Variants in CSMD2 observed in about 807,000 individuals in gnomAD.
CSMD2 encodes the protein CUB and sushi domain-containing protein 2.
In CSMD2, 130 loss-of-function variants were observed where a neutral mutation model predicts 398.5. That is an observed-to-expected ratio of 0.33 (90% CI 0.28 to 0.38). The LOEUF is 0.38. Among genes scored for constraint, CSMD2 ranks in the 10% least tolerant of loss-of-function variants. The probability of loss-of-function intolerance (pLI) is 1.00; values close to 1 mark genes in which losing one functional copy is unlikely to be tolerated. For synonymous variants in CSMD2, 1,828 were observed against 1,908.5 expected, an observed-to-expected ratio of 0.96 and a Z score of 1.10; for missense variants, 3,829 against 4,764.9, an observed-to-expected ratio of 0.80 and a Z score of 5.78.
intron 47 of CSMD2, among the ~76,000 whole-genome samples, chr1:33,583,295 A>T (rs570695578): frequency 1.3e-5 from 2 of 152,242 alleles, no homozygotes; most frequent in Non-Finnish European, 2.9e-5. Context: ...AAAGCCAAAG[A>T]GGCAGCACAA....
At chr1:33,885,248 A>T (rs1641510383) in intron 5 of CSMD2, 1 of 152,102 alleles carries the variant, frequency 6.6e-6, no homozygotes, top group Non-Finnish European at 1.5e-5. Flanking sequence ...CACAACTCAG[A>T]CCTATTTCCA....
At chr1:33,786,704 A>G (rs1653582018) in intron 12 of CSMD2, among the ~76,000 whole-genome samples, 1 of 152,262 alleles carries the variant, frequency 6.6e-6, no homozygotes, top group African/African-American at 2.4e-5. Flanking sequence ...ATGGAGCTAG[A>G]AAGTGACAGA....
intron 27 of CSMD2, 90 bp from the exon 28 acceptor site, chr1:33,652,551 G>T: frequency 6.8e-7 from 1 of 1,465,058 alleles, no homozygotes; most frequent in Non-Finnish European, 9.4e-7. Flanking sequence ...AGAGAGGAGA[G>T]GCTGAGGCTG....
chr1:33,582,493 A>G (rs921840544), intron 47 of CSMD2, among the ~76,000 whole-genome samples: 1 of 152,214 alleles, frequency 6.6e-6, no homozygotes, highest in Non-Finnish European at 1.5e-5. Context: ...ATTTCCCAAG[A>G]GGCTGGGTCC....
intron 28 of CSMD2, among the ~76,000 whole-genome samples, chr1:33,649,472 T>G (rs894629274): frequency 2.0e-5 from 3 of 152,158 alleles, no homozygotes; most frequent in Non-Finnish European, 4.4e-5. Context: ...GGCGAAACCC[T>G]GTCTCTACTA....
intron 44 of CSMD2, 37 bp downstream of exon 44, chr1:33,600,828 C>T: frequency 6.2e-7 from 1 of 1,611,224 alleles, no homozygotes; most frequent in Non-Finnish European, 8.5e-7. Flanking sequence ...GACTTGAAAG[C>T]CTGGCCCTTC....
intron 3 of CSMD2, among the ~76,000 whole-genome samples, chr1:34,021,968 A>G (rs1648949283): frequency 6.6e-6 from 1 of 152,192 alleles, no homozygotes; most frequent in Admixed American, 6.5e-5. Context: ...TTTAATTGGC[A>G]GCATTTTTTT....
At chr1:33,645,344 T>TACACACACACAC (rs4044501) in intron 29 of CSMD2, among the ~76,000 whole-genome samples, 9 of 136,272 alleles carry the variant, frequency 6.6e-5, no homozygotes, top group Admixed American at 2.2e-4. Flanking sequence ...TGGAGCATTA[T>TACACACACACAC]ACACACACAC....
At chr1:34,035,673 G>GA (rs201969213) in intron 2 of CSMD2, among the ~76,000 whole-genome samples, 36,841 of 130,062 alleles carry the variant, frequency 0.28, 5,228 homozygotes, top group African/African-American at 0.4. Context: ...GTAGTTAAAC[G>GA]AAAAAAAAAA....
chr1:34,093,745 A>G (rs545889560), intron 1 of CSMD2, among the ~76,000 whole-genome samples: 3 of 152,068 alleles, frequency 2.0e-5, no homozygotes, highest in Non-Finnish European at 2.9e-5. Flanking sequence ...CCTTCAAGAA[A>G]TATGGGACTA....
chr1:33,592,432 TG>T, intron 44 of CSMD2: 1 of 716,364 alleles, frequency 1.4e-6, no homozygotes, highest in South Asian at 1.5e-5. Flanking sequence ...CTTCTGTGGC[TG>T]GGGGGCAGAT....
chr1:33,564,300 A>C (rs1658849113), intron 53 of CSMD2, among the ~76,000 whole-genome samples: 1 of 152,220 alleles, frequency 6.6e-6, no homozygotes, highest in African/African-American at 2.4e-5. Context: ...GGTAGAGCTG[A>C]GATGTAAACC....
chr1:34,067,541 G>A (rs1338214253), intron 2 of CSMD2, among the ~76,000 whole-genome samples: 2 of 152,100 alleles, frequency 1.3e-5, no homozygotes, highest in Non-Finnish European at 1.5e-5. Context: ...AGAGCCTCAG[G>A]GATTATCCTG....
At chr1:33,657,297 C>T (rs1643976202) in intron 27 of CSMD2, among the ~76,000 whole-genome samples, 1 of 152,162 alleles carries the variant, frequency 6.6e-6, no homozygotes, top group African/African-American at 2.4e-5. Context: ...GAGACTCCAT[C>T]TCAACAACAA....
intron 56 of CSMD2, among the ~76,000 whole-genome samples, chr1:33,548,275 GC>G (rs1408682340): frequency 6.6e-6 from 1 of 152,200 alleles, no homozygotes; most frequent in African/African-American, 2.4e-5. Context: ...TGAAAGAATG[GC>G]CCCCACTACA....
chr1:34,027,372 C>G (rs1189834961), intron 3 of CSMD2, among the ~76,000 whole-genome samples: 1 of 152,192 alleles, frequency 6.6e-6, no homozygotes, highest in Non-Finnish European at 1.5e-5. Flanking sequence ...ACTTGTAACA[C>G]TGGCAAGGTG....
In CSMD2 at chr1:33,614,585, C is replaced by A. The variant is rs745778369; in HGVS notation, c.6052G>T (p.Val2018Leu). 2.5e-6 allele frequency: 4 copies of A among 1,611,682 alleles called. No homozygotes were observed. Among genetic ancestry groups the A allele is most frequent in the East Asian group, 2.2e-5 (1 of 44,858 alleles). The change falls in exon 40 of 71, where the codon GTG (valine) becomes TTG (leucine). Residue 2018 changes from valine (V) to leucine (L), a missense_variant. Around this residue, in one of 5 missense-constraint regions of CSMD2, gnomAD observed 2,001 missense variants for 2,567.1 expected, o/e 0.78. Transcript: ENST00000373381. ...CCTGGGAAGCCGGGGCTCAGGATCA[C>A]CCCCTCCATCTCCTCCACTGTTCCC... Reference protein sequence around the residue: ...CGGTVEEMEGVILSPGFPGNY... With the variant: ...CGGTVEEMEGLILSPGFPGNY...
chr1:33,934,447 C>T (rs1644405821), intron 4 of CSMD2, among the ~76,000 whole-genome samples: 1 of 152,282 alleles, frequency 6.6e-6, no homozygotes, highest in African/African-American at 2.4e-5. Flanking sequence ...AGGGACAAGG[C>T]TGGATGGAGC....
At chr1:33,884,571 C>T (rs1641458693) in intron 5 of CSMD2, 1 of 152,308 alleles carries the variant, frequency 6.6e-6, no homozygotes, top group South Asian at 2.1e-4. Context: ...TTAATTCAGG[C>T]CTCATCATCT....
Sources: allele counts gnomAD v4.1 joint callset (sites outside exome capture counted in the v4.1 genomes callset), GRCh38; gene constraint gnomAD v4.1.1; regional missense constraint gnomAD v4.1.1; transcripts MANE v1.5; gene names NCBI Gene and HGNC (gene_info 2026-07-23, HGNC 2026-07-21).